The following BOK variants were observed in gnomAD, a reference collection of about 807,000 sequenced individuals.
BOK encodes bcl-2-related ovarian killer protein.
BOK carries 20 observed loss-of-function variants against 18.3 expected under a neutral mutation model. The observed-to-expected ratio is 1.09, with a 90% confidence interval of 0.77 to 1.59. BOK has a LOEUF of 1.59. Ranked by LOEUF, BOK falls within the 40% of genes most tolerant of loss-of-function variation. BOK has a pLI of 0.00. For synonymous variants in BOK, 173 were observed against 142.4 expected, an observed-to-expected ratio of 1.21 and a Z score of -1.53; for missense variants, 348 against 307.9, an observed-to-expected ratio of 1.13 and a Z score of -0.97.
At position 241,570,247 on chromosome 2, in the gene BOK, C is replaced by T. The variant is rs775440655; in HGVS notation, c.472C>T (p.Arg158Cys). 13 of 1,587,250 alleles carry T rather than the reference C, an allele frequency of 8.2e-6. No individual in the cohort carries two copies. The highest frequency in any genetic ancestry group is 3.4e-5 in the South Asian group (3 of 88,138). The change falls in exon 4 of 5, where the codon CGC (arginine) becomes TGC (cysteine). Residue 158 changes from arginine (R) to cysteine (C), a missense_variant. Coordinates refer to ENST00000318407, the MANE Select transcript of BOK (RefSeq NM_032515.5). ...ALVDCLGEFV[R>C]KTLATWLRRR... The stretch of plus-strand genomic sequence containing the variant: ...CGTGGACTGCCTGGGGGAGTTCGTG[C>T]GCAAGACCCTGGCAACCTGGCTGCG...
rs1429612964 is a variant in BOK, at chr2:241,570,273, G to C, written c.498G>C (p.Arg166=). The C allele has an allele frequency of 6.4e-7, 1 of 1,562,818 alleles. No homozygotes were observed. Among genetic ancestry groups the C allele is most frequent in the South Asian group, 1.2e-5 (1 of 85,608 alleles). Residue 166 remains arginine, a synonymous_variant, in exon 4 of 5, where the codon CGG becomes CGC. Coordinates refer to ENST00000318407, the MANE Select transcript of BOK (RefSeq NM_032515.5). ...FVRKTLATWL[R]RRGGWTDVLK... Reference sequence around the variant, plus strand: ...GCAAGACCCTGGCAACCTGGCTGCGGAGACGCGGCGGATGGGTGAGCGCCT... The same window carrying C: ...GCAAGACCCTGGCAACCTGGCTGCGCAGACGCGGCGGATGGGTGAGCGCCT...
At chr2:241,569,312 T>C (rs866311674) in intron 3 of BOK, among the ~76,000 whole-genome samples, 1 of 107,208 alleles carries the variant, frequency 9.3e-6, no homozygotes, top group Non-Finnish European at 1.9e-5. Context: ...TTTGTGTATT[T>C]TTAGTAGAGA....
chr2:241,553,040 C>A (rs1337333423), intron 1 of BOK, among the ~76,000 whole-genome samples: 1 of 152,258 alleles, frequency 6.6e-6, no homozygotes, highest in Non-Finnish European at 1.5e-5. Flanking sequence ...AGGTGGCCGG[C>A]ACAAAGTCCA....
intron 4 of BOK, among the ~76,000 whole-genome samples, chr2:241,570,524 C>G (rs79626116): frequency 9.6e-5 from 3 of 31,234 alleles, no homozygotes; most frequent in Admixed American, 3.2e-4. Context: ...ATGGGTGAGC[C>G]TCTGAGCGCC....
At chr2:241,561,382 C>G (rs2066525246) in intron 2 of BOK, among the ~76,000 whole-genome samples, 1 of 152,246 alleles carries the variant, frequency 6.6e-6, no homozygotes, top group Admixed American at 6.5e-5. Flanking sequence ...AGCACATCCC[C>G]TTGGCAGCAA....
chr2:241,572,661 T>C lies in BOK; in HGVS notation c.*239T>C. On this transcript the variant is annotated 3_prime_UTR_variant, in exon 5 of 5. Coordinates refer to ENST00000318407, the MANE Select transcript of BOK (RefSeq NM_032515.5). ...TGCGACCCTCCCCGCTTGTGTCCCT[T>C]CTCCTGTGATCTCTGTGTTTTCCCT... 1.7e-6 allele frequency: 1 copy of C among 583,332 alleles called. No homozygotes were observed. The highest frequency in any genetic ancestry group is 3.0e-6 in the Non-Finnish European group (1 of 331,318). The allele number at this position is 583,332 out of a possible 1,614,324, so 36.1% of individuals were successfully genotyped here.
At chr2:241,569,927 G>A (rs1158752120) in intron 3 of BOK, among the ~76,000 whole-genome samples, 198 bp from the exon 4 acceptor site, 1 of 152,196 alleles carries the variant, frequency 6.6e-6, no homozygotes, top group African/African-American at 2.4e-5. Context: ...GGGCAGGTGT[G>A]CAGTGGAGGC....
chr2:241,554,261 G>T (rs766552692), upstream of BOK, among the ~76,000 whole-genome samples: 1 of 152,330 alleles, frequency 6.6e-6, no homozygotes, highest in South Asian at 2.1e-4. Context: ...GCAAGCAGCC[G>T]TCACATGAGA....
intron 3 of BOK, among the ~76,000 whole-genome samples, chr2:241,565,235 C>T (rs1014480411): frequency 6.6e-6 from 1 of 152,120 alleles, no homozygotes; most frequent in African/African-American, 2.4e-5. Context: ...CGGCTCTGGC[C>T]ATGTGGCAGC....
At position 241,570,114 on chromosome 2, in the gene BOK, T is replaced by C; in HGVS notation, c.350-11T>C. ...TTCAAGTCCTGATCTTGACCATCTC[T>C]CTCCCTGCAGGCATCACGTGGGGCA... On this transcript the variant is annotated splice_polypyrimidine_tract_variant and intron_variant, in intron 3 of 4. Coordinates refer to ENST00000318407, the MANE Select transcript of BOK (RefSeq NM_032515.5). 6 of 1,609,064 alleles carry C rather than the reference T, an allele frequency of 3.7e-6. No individual in the cohort carries two copies. The highest frequency in any genetic ancestry group is 5.1e-6 in the Non-Finnish European group (6 of 1,178,418).
At chr2:241,568,465 T>TGCG (rs1446938588) in intron 3 of BOK, among the ~76,000 whole-genome samples, 1 of 152,134 alleles carries the variant, frequency 6.6e-6, no homozygotes. Context: ...TCTCCCAGGC[T>TGCG]GGAGTACAGT....
intron 1 of BOK, among the ~76,000 whole-genome samples, chr2:241,553,404 A>G (rs1328156389): frequency 6.6e-6 from 1 of 152,164 alleles, no homozygotes; most frequent in African/African-American, 2.4e-5. Flanking sequence ...CACCCGCCTC[A>G]GCCTCCCAAA....
upstream of BOK, among the ~76,000 whole-genome samples, chr2:241,558,570 T>C (rs546967405): frequency 6.6e-5 from 10 of 152,368 alleles, no homozygotes; most frequent in South Asian, 2.1e-3. Context: ...CGGCTGGGGC[T>C]GGCTCTAGGT....
At chr2:241,555,398 C>T (rs2066443458), upstream of BOK, among the ~76,000 whole-genome samples, 1 of 144,552 alleles carries the variant, frequency 6.9e-6, no homozygotes, top group African/African-American at 2.6e-5. Flanking sequence ...TTTTTTGAGA[C>T]AAAGTCTCGT....
At position 241,562,225 on chromosome 2, in the gene BOK, G is replaced by A; in HGVS notation, c.221-123G>A. On this transcript the variant is annotated intron_variant, in intron 2 of 4. Transcript: ENST00000318407. The surrounding 1 kb of genome is among the most constrained non-coding windows in gnomAD (Gnocchi z 4.5). ...AAGTGGAGGTGGGAATCAGACAAGT[G>A]AGGAACAGGCTGGAATTCAAGCATG... 1 of 1,292,602 alleles carries A rather than the reference G, an allele frequency of 7.7e-7. No individual in the cohort carries two copies. Among genetic ancestry groups the A allele is most frequent in the Non-Finnish European group, 1.0e-6 (1 of 957,256 alleles). 80.1% of individuals were successfully genotyped at this position (1,292,602 alleles called of 1,614,324 possible). A position where few individuals can be genotyped will look rare whatever the true frequency, so the allele number is the denominator to read the frequency against.
chr2:241,568,132 TATTA>T (rs2066644654), intron 3 of BOK, among the ~76,000 whole-genome samples: 1 of 152,168 alleles, frequency 6.6e-6, no homozygotes, highest in African/African-American at 2.4e-5. Flanking sequence ...TTTATTTATT[TATTA>T]TTTATTTATT....
At chr2:241,559,186 C>A (rs1011868495) in intron 1 of BOK, among the ~76,000 whole-genome samples, 193 bp downstream of exon 1, 5 of 151,556 alleles carry the variant, frequency 3.3e-5, no homozygotes, top group African/African-American at 1.2e-4. Context: ...CCCACGCACT[C>A]GTCTTCGAGG....
upstream of BOK, among the ~76,000 whole-genome samples, chr2:241,554,047 T>G (rs978579172): frequency 6.6e-6 from 1 of 152,218 alleles, no homozygotes; most frequent in Non-Finnish European, 1.5e-5. Flanking sequence ...GGCAGGTGGC[T>G]GCACAGAGGA....
chr2:241,571,094 G>C (rs2125056265), intron 4 of BOK, among the ~76,000 whole-genome samples: 1 of 151,872 alleles, frequency 6.6e-6, no homozygotes, highest in East Asian at 1.9e-4. Flanking sequence ...GGTGAGGCAG[G>C]GGGTGGGGCA....
Sources: gnomAD v4.1 joint callset for allele counts (sites outside exome capture counted in the v4.1 genomes callset) on GRCh38, gnomAD v4.1.1 for gene constraint, Gnocchi (gnomAD v3.1) non-coding constraint, MANE v1.5 for transcripts, NCBI Gene and HGNC (gene_info 2026-07-23, HGNC 2026-07-21) for gene names.